NIPBL: variants seen among roughly 807,000 people sequenced by gnomAD.
The protein encoded by NIPBL is NIPBL cohesin loading factor, also known as nipped-B-like protein.
A neutral mutation model predicts 321.8 loss-of-function variants in NIPBL; 19 were observed. The ratio of observed to expected loss-of-function variants is 0.06; its 90% CI spans 0.04 to 0.09. The LOEUF is 0.09. Ranked by LOEUF, NIPBL falls within the 10% of genes least tolerant of loss-of-function variation. The probability of loss-of-function intolerance (pLI) is 1.00; values close to 1 mark genes in which losing one functional copy is unlikely to be tolerated. For missense variants in NIPBL, 2,210 were observed against 3,327.0 expected (o/e 0.66, Z 8.26); for synonymous variants, 1,106 against 1,114.1 (o/e 0.99, Z 0.14).
chr5:36,959,817 A>G (rs1288515720), intron 4 of NIPBL, among the ~76,000 whole-genome samples: 2 of 152,222 alleles, frequency 1.3e-5, no homozygotes, highest in African/African-American at 2.4e-5. Context: ...TTTAGTCCAA[A>G]ATATTGTTTG....
At chr5:37,045,624 A>T (rs866167025) in intron 37 of NIPBL, 27 bp downstream of exon 37, 2 of 1,608,148 alleles carry the variant, frequency 1.2e-6, no homozygotes, top group African/African-American at 2.7e-5. Context: ...TTAAAATGCT[A>T]TAAAACATAG....
intron 40 of NIPBL, among the ~76,000 whole-genome samples, chr5:37,050,013 ATATT>A (rs1022893617): frequency 6.6e-6 from 1 of 152,156 alleles, no homozygotes; most frequent in African/African-American, 2.4e-5. Context: ...ATGTTAACAA[ATATT>A]TATCCTGTTC....
At chr5:36,970,768 ATTATT>A in intron 6 of NIPBL, 103 bp from the exon 7 acceptor site, 1 of 964,932 alleles carries the variant, frequency 1.0e-6, no homozygotes, top group Non-Finnish European at 1.6e-6. Flanking sequence ...TATCTGTTAT[ATTATT>A]CTCTGTAATT....
intron 11 of NIPBL, among the ~76,000 whole-genome samples, chr5:36,998,918 G>T: frequency 6.6e-6 from 1 of 152,188 alleles, no homozygotes; most frequent in East Asian, 1.9e-4. Flanking sequence ...ACCTAATTAT[G>T]AAGAAAATCT....
intron 40 of NIPBL, 96 bp downstream of exon 40, chr5:37,049,397 C>T: frequency 7.6e-7 from 1 of 1,312,068 alleles, no homozygotes; most frequent in South Asian, 1.2e-5. Context: ...TTCTTCGTTC[C>T]TCTTACTCTT....
intron 1 of NIPBL, among the ~76,000 whole-genome samples, chr5:36,934,154 G>A (rs1167626377): frequency 2.0e-5 from 3 of 152,004 alleles, no homozygotes; most frequent in Middle Eastern, 3.2e-3. Context: ...TGTGTAAGAC[G>A]TTGTGTTTTT....
rs1747422094 is a variant in NIPBL at position 37,006,302 on chromosome 5, A to G, written c.3856-55A>G. On this transcript the variant is annotated intron_variant, in intron 16 of 46. Coordinates refer to ENST00000282516, the MANE Select transcript of NIPBL (RefSeq NM_133433.4). ...AAATCAAATCATAATTTTAATGTAT[A>G]TTTTAAACCTATAAATGTGTTTATT... 45 of 954,626 alleles carry G rather than the reference A, an allele frequency of 4.7e-5. 1 individual carries two copies. In the South Asian group the frequency reaches 5.7e-4, roughly 12 times the overall value. The allele number at this position is 954,626 out of a possible 1,614,324, so 59.1% of individuals were successfully genotyped here.
chr5:36,952,871 C>T (rs1473739954), intron 1 of NIPBL, among the ~76,000 whole-genome samples: 5 of 152,002 alleles, frequency 3.3e-5, no homozygotes, highest in Non-Finnish European at 7.4e-5. Context: ...CAAAAGATGT[C>T]ACAAAGGAAT....
intron 1 of NIPBL, among the ~76,000 whole-genome samples, chr5:36,899,066 G>A (rs1032204673): frequency 2.6e-5 from 4 of 152,152 alleles, no homozygotes; most frequent in Non-Finnish European, 5.9e-5. Flanking sequence ...GCCCATTGTT[G>A]TAATGCTGCT....
At chr5:36,956,123 C>T (rs377578828) in intron 3 of NIPBL, among the ~76,000 whole-genome samples, 4 of 151,294 alleles carry the variant, frequency 2.6e-5, no homozygotes, top group Admixed American at 1.3e-4. Flanking sequence ...CCCAGCTACT[C>T]GGGAGGCTGA....
At chr5:37,006,740 C>T (rs1747478489) in intron 17 of NIPBL, 152 bp downstream of exon 17, 1 of 590,100 alleles carries the variant, frequency 1.7e-6, no homozygotes, top group Non-Finnish European at 3.0e-6. Flanking sequence ...AGTACTTGTT[C>T]AATTATAATT....
At chr5:37,057,075 T>C (rs2149749868) in intron 42 of NIPBL, 111 bp from the exon 43 acceptor site, 1 of 1,007,382 alleles carries the variant, frequency 9.9e-7, no homozygotes, top group Non-Finnish European at 1.5e-6. Flanking sequence ...TGCTTATCTC[T>C]GTCTAACATT....
intron 15 of NIPBL, 79 bp downstream of exon 15, chr5:37,002,844 T>A: frequency 1.2e-6 from 1 of 859,454 alleles, no homozygotes. Flanking sequence ...GGGTAAATTA[T>A]AAAATTTATG....
chr5:36,948,850 C>G (rs1561065082), intron 1 of NIPBL, among the ~76,000 whole-genome samples: 2 of 151,836 alleles, frequency 1.3e-5, no homozygotes, highest in Middle Eastern at 3.4e-3. Flanking sequence ...GATCCTAACT[C>G]CATAAAGCCA....
intron 1 of NIPBL, among the ~76,000 whole-genome samples, chr5:36,887,010 A>C (rs1031866913): frequency 1.3e-5 from 2 of 152,136 alleles, no homozygotes; most frequent in African/African-American, 4.8e-5. Flanking sequence ...AAAAAATAGT[A>C]CTTTGAACAG....
At chr5:37,049,529 A>G (rs1171375004) in intron 40 of NIPBL, among the ~76,000 whole-genome samples, 3 of 152,224 alleles carry the variant, frequency 2.0e-5, no homozygotes, top group Admixed American at 1.3e-4. Context: ...CTATTGGCAG[A>G]ACATATACTC....
intron 1 of NIPBL, among the ~76,000 whole-genome samples, chr5:36,930,050 G>A (rs1215659919): frequency 6.6e-6 from 1 of 151,518 alleles, no homozygotes; most frequent in Non-Finnish European, 1.5e-5. Flanking sequence ...AAATTATTTT[G>A]GCTATTCTAG....
intron 22 of NIPBL, among the ~76,000 whole-genome samples, chr5:37,014,977 T>G (rs1049947434): frequency 2.6e-5 from 4 of 152,138 alleles, no homozygotes; most frequent in African/African-American, 9.7e-5. Context: ...ATCTAAAATT[T>G]TGTGAATTTG....
At chr5:37,008,949 G>A (rs1747760767) in intron 20 of NIPBL, among the ~76,000 whole-genome samples, 1 of 152,210 alleles carries the variant, frequency 6.6e-6, no homozygotes, top group Non-Finnish European at 1.5e-5. Flanking sequence ...GGGTTTTTCA[G>A]TGTTGGCACT....
Sources: gnomAD v4.1 joint callset for allele counts (sites outside exome capture counted in the v4.1 genomes callset) on GRCh38, gnomAD v4.1.1 for gene constraint, MANE v1.5 for transcripts, NCBI Gene and HGNC (gene_info 2026-07-23, HGNC 2026-07-21) for gene names.